MAGI2: variants seen among roughly 807,000 people sequenced by gnomAD.
MAGI2 encodes the protein membrane associated guanylate kinase, WW and PDZ domain containing 2, also known as membrane-associated guanylate kinase, WW and PDZ domain-containing protein 2.
A neutral mutation model predicts 133.3 loss-of-function variants in MAGI2; 35 were observed. That is an observed-to-expected ratio of 0.26 (90% CI 0.20 to 0.35). The LOEUF (loss-of-function observed/expected upper bound fraction) is 0.35. Among genes scored for constraint, MAGI2 ranks in the 10% least tolerant of loss-of-function variants. MAGI2 has a pLI of 1.00. For synonymous variants in MAGI2, 729 were observed against 710.6 expected (o/e 1.03, Z -0.41); for missense variants, 1,636 against 1,863.4 (o/e 0.88, Z 2.25).
intron 2 of MAGI2, among the ~76,000 whole-genome samples, chr7:78,826,849 C>T (rs919302204): frequency 1.1e-4 from 17 of 151,990 alleles, no homozygotes; most frequent in African/African-American, 3.1e-4. Flanking sequence ...CTATCTAGTT[C>T]GCGAAAGTGT....
chr7:78,777,490 CCAT>C (rs1218319620), intron 2 of MAGI2, among the ~76,000 whole-genome samples: 1 of 152,078 alleles, frequency 6.6e-6, no homozygotes, highest in Non-Finnish European at 1.5e-5. Flanking sequence ...ATCATCACCA[CCAT>C]CGTCATCATA....
At chr7:78,388,879 C>T (rs528458957) in intron 6 of MAGI2, among the ~76,000 whole-genome samples, 1 of 151,898 alleles carries the variant, frequency 6.6e-6, no homozygotes, top group Non-Finnish European at 1.5e-5. Flanking sequence ...AAATATAGTC[C>T]GTGAAATAAC....
At chr7:78,287,792 C>G (rs1796295986) in intron 9 of MAGI2, among the ~76,000 whole-genome samples, 2 of 152,032 alleles carry the variant, frequency 1.3e-5, no homozygotes, top group South Asian at 4.1e-4. Flanking sequence ...TTTTTTCCTA[C>G]AGAGAATGTT....
At chr7:79,246,803 T>C (rs1010620597) in intron 1 of MAGI2, among the ~76,000 whole-genome samples, 4 of 152,130 alleles carry the variant, frequency 2.6e-5, no homozygotes, top group Non-Finnish European at 5.9e-5. Context: ...ACAAGAAAGT[T>C]ATAGAACACT....
At chr7:79,116,770 GT>G (rs1450214490) in intron 1 of MAGI2, among the ~76,000 whole-genome samples, 1 of 152,146 alleles carries the variant, frequency 6.6e-6, no homozygotes, top group Non-Finnish European at 1.5e-5. Flanking sequence ...ACATCTGGTT[GT>G]TTAAGAACCT....
chr7:78,558,494 T>G (rs745313517), intron 3 of MAGI2, among the ~76,000 whole-genome samples: 4 of 152,202 alleles, frequency 2.6e-5, no homozygotes, highest in Non-Finnish European at 4.4e-5. Context: ...TGAAGCTATT[T>G]CTAAAATAAG....
Position 78,019,412 on chromosome 7 carries a change from G to A in MAGI2, c.4271C>T (p.Ala1424Val), listed in dbSNP as rs1384583347. 8 of 1,139,584 alleles carry A rather than the reference G, an allele frequency of 7.0e-6. No homozygotes were observed. In the African/African-American group the frequency reaches 9.9e-5, roughly 14 times the overall value. 70.6% of individuals were successfully genotyped at this position (1,139,584 alleles called of 1,614,324 possible). A position where few individuals can be genotyped will look rare whatever the true frequency, so the allele number is the denominator to read the frequency against. ...PGPRPPGGAP[A>V]RKAAVAPGPW... ...CCCCGGCGCGACGGCGGCCTTGCGC[G>A]CCGGGGCGCCCCCCGGGGGTCGCGG... is the stretch of plus-strand genomic sequence containing the variant. The change falls in exon 22 of 22, where the codon GCG becomes GTG. Residue 1424 changes from alanine to valine, a missense_variant. Transcript: ENST00000354212.
intron 21 of MAGI2, among the ~76,000 whole-genome samples, chr7:78,057,977 G>GTGTGTATATA (rs762943472): frequency 4.7e-5 from 5 of 106,612 alleles, no homozygotes; most frequent in African/African-American, 1.7e-4. Context: ...ATATATATGT[G>GTGTGTATATA]TATATATATA....
At chr7:78,674,881 G>A (rs1007546964) in intron 2 of MAGI2, among the ~76,000 whole-genome samples, 2 of 152,056 alleles carry the variant, frequency 1.3e-5, no homozygotes, top group Admixed American at 6.6e-5. Flanking sequence ...AGAAAAGTAT[G>A]GAGGAAAAAA....
intron 1 of MAGI2, among the ~76,000 whole-genome samples, chr7:79,148,173 C>T (rs759209189): frequency 6.6e-6 from 1 of 152,130 alleles, no homozygotes; most frequent in Non-Finnish European, 1.5e-5. Context: ...TGGGCAAAAG[C>T]TATCAATCCA....
chr7:78,264,705 G>A (rs947333450), intron 9 of MAGI2, among the ~76,000 whole-genome samples: 2 of 152,144 alleles, frequency 1.3e-5, no homozygotes, highest in African/African-American at 4.8e-5. Context: ...GATCTTGGGC[G>A]AAGTATTTAA....
intron 3 of MAGI2, among the ~76,000 whole-genome samples, chr7:78,573,257 A>T (rs74212552): frequency 3.6e-3 from 79 of 21,940 alleles, no homozygotes; most frequent in African/African-American, 0.012. Flanking sequence ...AATATATATA[A>T]ATATAAATAT....
At chr7:78,645,465 G>A (rs375153909) in intron 2 of MAGI2, among the ~76,000 whole-genome samples, 4 of 152,094 alleles carry the variant, frequency 2.6e-5, no homozygotes, top group East Asian at 1.9e-4. Flanking sequence ...TCATGAGCAC[G>A]TAGAGCTTTT....
At chr7:78,181,500 G>T (rs540300705) in intron 13 of MAGI2, among the ~76,000 whole-genome samples, 20 of 152,270 alleles carry the variant, frequency 1.3e-4, no homozygotes, top group African/African-American at 4.3e-4. Flanking sequence ...AGCTCAAGAG[G>T]AGGCAGTGGT....
chr7:78,394,356 C>T (rs930226469), intron 6 of MAGI2, among the ~76,000 whole-genome samples: 1 of 152,182 alleles, frequency 6.6e-6, no homozygotes. Flanking sequence ...CCCCTTTGCT[C>T]TCAGATAAAG....
chr7:79,353,309 A>T, intron 1 of MAGI2: 1 of 373,994 alleles, frequency 2.7e-6, no homozygotes, highest in Non-Finnish European at 5.4e-6. Flanking sequence ...CACATTCACG[A>T]TGAATGAGAG....
intron 21 of MAGI2, among the ~76,000 whole-genome samples, chr7:78,051,074 C>A (rs932302496): frequency 1.3e-4 from 20 of 152,220 alleles, no homozygotes; most frequent in Admixed American, 3.9e-4. Flanking sequence ...TTTAGTGTGC[C>A]ATAGGTCAGT....
At chr7:78,803,817 T>C (rs945775600) in intron 2 of MAGI2, among the ~76,000 whole-genome samples, 2 of 152,214 alleles carry the variant, frequency 1.3e-5, no homozygotes, top group African/African-American at 4.8e-5. Flanking sequence ...TATAAAACTC[T>C]AGACTATTCT....
At chr7:78,129,294 A>G (rs1412975821) in intron 18 of MAGI2, among the ~76,000 whole-genome samples, 1 of 151,614 alleles carries the variant, frequency 6.6e-6, no homozygotes, top group African/African-American at 2.4e-5. Context: ...TTTAAGTTGA[A>G]CTACACATTG....
Sources: gnomAD v4.1 joint callset for allele counts (sites outside exome capture counted in the v4.1 genomes callset) on GRCh38, gnomAD v4.1.1 for gene constraint, MANE v1.5 for transcripts, NCBI Gene and HGNC (gene_info 2026-07-23, HGNC 2026-07-21) for gene names.